Variants in NXPH1 observed in about 807,000 individuals in gnomAD.
NXPH1 encodes neurexophilin 1, also known as neurexophilin-1.
A neutral mutation model predicts 23.7 loss-of-function variants in NXPH1; 5 were observed. That is an observed-to-expected ratio of 0.21 (90% CI 0.11 to 0.44). NXPH1 has a LOEUF of 0.44. Ranked by LOEUF, NXPH1 falls within the 20% of genes least tolerant of loss-of-function variation. The pLI is 0.99. For missense variants in NXPH1, 324 were observed against 321.6 expected (o/e 1.01, Z -0.06); for synonymous variants, 144 against 122.2 (o/e 1.18, Z -1.18).
At chr7:8,672,411 G>C (rs1206990220) in intron 2 of NXPH1, among the ~76,000 whole-genome samples, 2 of 151,782 alleles carry the variant, frequency 1.3e-5, no homozygotes, top group Non-Finnish European at 2.9e-5. Context: ...TATGGCACAT[G>C]TATACATATG....
intron 2 of NXPH1, among the ~76,000 whole-genome samples, chr7:8,601,177 T>C (rs1016529693): frequency 6.6e-6 from 1 of 152,034 alleles, no homozygotes. Flanking sequence ...TTCCACATGG[T>C]GATCACAATT....
At chr7:8,707,394 G>C (rs904305304) in intron 2 of NXPH1, among the ~76,000 whole-genome samples, 6 of 152,088 alleles carry the variant, frequency 3.9e-5, no homozygotes, top group African/African-American at 1.4e-4. Flanking sequence ...ATTAAGACAT[G>C]TTATAAGTGC....
chr7:8,694,838 G>A (rs975552385), intron 2 of NXPH1, among the ~76,000 whole-genome samples: 1 of 152,122 alleles, frequency 6.6e-6, no homozygotes, highest in African/African-American at 2.4e-5. Context: ...ATGAAAAAAA[G>A]TTGAAGAAAA....
chr7:8,438,391 A>C (rs1434816997), intron 2 of NXPH1, among the ~76,000 whole-genome samples: 2 of 152,256 alleles, frequency 1.3e-5, no homozygotes, highest in East Asian at 3.8e-4. Flanking sequence ...AAAGAAGGCA[A>C]GAGTGGCAAA....
intron 2 of NXPH1, among the ~76,000 whole-genome samples, chr7:8,713,018 T>C (rs1024408596): frequency 2.6e-5 from 4 of 152,152 alleles, no homozygotes; most frequent in African/African-American, 9.7e-5. Context: ...CCCCTCTCTC[T>C]CTACCTCCTC....
intron 2 of NXPH1, among the ~76,000 whole-genome samples, chr7:8,641,483 T>C (rs904215956): frequency 6.6e-6 from 1 of 152,256 alleles, no homozygotes. Context: ...ATTTTAAACA[T>C]TTATCAGCCT....
chr7:8,660,877 G>C (rs1424551637), intron 2 of NXPH1, among the ~76,000 whole-genome samples: 2 of 151,338 alleles, frequency 1.3e-5, no homozygotes, highest in African/African-American at 4.9e-5. Context: ...AAAATTTCCA[G>C]TCTAAAAATG....
At position 8,583,275 on chromosome 7, in the gene NXPH1, C is replaced by T. The variant is rs60671165; in HGVS notation, c.54+147508C>T. ...CCCAACCATCTACTATAGGTAGACA[C>T]GCATTGTAAAGTGCCTTCTGGGGTC... On this transcript the variant is annotated intron_variant, in intron 2 of 2. Coordinates refer to ENST00000405863, the MANE Select transcript of NXPH1 (RefSeq NM_152745.3). 1.8e-3 allele frequency among the ~76,000 whole-genome samples: 280 copies of T among 152,310 alleles called. 1 individual carries two copies. The Middle Eastern group carries it at 0.034, about 19-fold the overall frequency.
At chr7:8,716,944 G>A (rs753068758) in intron 2 of NXPH1, among the ~76,000 whole-genome samples, 11 of 152,136 alleles carry the variant, frequency 7.2e-5, no homozygotes, top group Non-Finnish European at 1.3e-4. Context: ...GGGTTGATTA[G>A]TACAGCAGTG....
chr7:8,537,945 G>A (rs764754705), intron 2 of NXPH1, among the ~76,000 whole-genome samples: 1 of 151,854 alleles, frequency 6.6e-6, no homozygotes, highest in African/African-American at 2.4e-5. Flanking sequence ...TGTGAAAGGC[G>A]AGGGGAATGG....
At chr7:8,647,671 T>G (rs1295536305) in intron 2 of NXPH1, among the ~76,000 whole-genome samples, 1 of 152,072 alleles carries the variant, frequency 6.6e-6, no homozygotes, top group Non-Finnish European at 1.5e-5. Context: ...TGGAATTATG[T>G]TCAATTCCAA....
intron 2 of NXPH1, among the ~76,000 whole-genome samples, chr7:8,630,093 C>T (rs1820095084): frequency 6.6e-6 from 1 of 152,044 alleles, no homozygotes; most frequent in African/African-American, 2.4e-5. Context: ...AGAATAACTT[C>T]TGTTGTAAGG....
chr7:8,475,971 G>T (rs1816963785), intron 2 of NXPH1, among the ~76,000 whole-genome samples: 1 of 152,096 alleles, frequency 6.6e-6, no homozygotes, highest in Non-Finnish European at 1.5e-5. Flanking sequence ...TGCCAGCAAG[G>T]AATATTTTTG....
chr7:8,638,406 T>G (rs1367786864), intron 2 of NXPH1, among the ~76,000 whole-genome samples: 1 of 152,140 alleles, frequency 6.6e-6, no homozygotes, highest in African/African-American at 2.4e-5. Flanking sequence ...CCAGGAAACC[T>G]CTTGAAGTTT....
At chr7:8,737,461 C>G (rs1029419502) in intron 2 of NXPH1, among the ~76,000 whole-genome samples, 9 of 152,118 alleles carry the variant, frequency 5.9e-5, no homozygotes, top group African/African-American at 2.2e-4. Context: ...ATATTGGCCC[C>G]CAGTCTCTTG....
At chr7:8,710,728 T>C (rs1451435426) in intron 2 of NXPH1, among the ~76,000 whole-genome samples, 1 of 126,466 alleles carries the variant, frequency 7.9e-6, no homozygotes, top group Non-Finnish European at 1.6e-5. Flanking sequence ...AGTGGCGCAA[T>C]CTCGGCTCAC....
chr7:8,694,662 C>T (rs1393144098), intron 2 of NXPH1, among the ~76,000 whole-genome samples: 1 of 151,986 alleles, frequency 6.6e-6, no homozygotes, highest in Non-Finnish European at 1.5e-5. Flanking sequence ...CTAAAAAATT[C>T]ATAGTATTAT....
At chr7:8,469,899 G>A (rs1245248449) in intron 2 of NXPH1, among the ~76,000 whole-genome samples, 1 of 152,066 alleles carries the variant, frequency 6.6e-6, no homozygotes, top group Non-Finnish European at 1.5e-5. Flanking sequence ...AGTGATACTG[G>A]CTTGCTAAAG....
intron 2 of NXPH1, among the ~76,000 whole-genome samples, chr7:8,746,950 T>A (rs1236074237): frequency 1.3e-5 from 2 of 152,098 alleles, no homozygotes; most frequent in Non-Finnish European, 2.9e-5. Context: ...TTAAATCCGA[T>A]TATAAATTAA....
Sources: gnomAD v4.1 joint callset for allele counts (sites outside exome capture counted in the v4.1 genomes callset) on GRCh38, gnomAD v4.1.1 for gene constraint, MANE v1.5 for transcripts, NCBI Gene and HGNC (gene_info 2026-07-23, HGNC 2026-07-21) for gene names.